RFX3: variants seen among roughly 807,000 people sequenced by gnomAD.
RFX3 encodes transcription factor RFX3.
RFX3 carries 14 observed loss-of-function variants against 98.6 expected under a neutral mutation model. The observed-to-expected ratio is 0.14, with a 90% confidence interval of 0.09 to 0.22. The LOEUF (loss-of-function observed/expected upper bound fraction) is 0.22. Ranked by LOEUF, RFX3 falls within the 10% of genes least tolerant of loss-of-function variation. RFX3 has a pLI of 1.00. For synonymous variants in RFX3, 383 were observed against 328.4 expected (o/e 1.17, Z -1.80); for missense variants, 639 against 926.9 (o/e 0.69, Z 4.03).
chr9:3,341,129 T>C (rs1011855670), intron 3 of RFX3, among the ~76,000 whole-genome samples: 7 of 152,062 alleles, frequency 4.6e-5, no homozygotes, highest in African/African-American at 7.2e-5. Flanking sequence ...CTGGAAATCA[T>C]CATTCTCAGC....
At chr9:3,482,970 CA>C (rs1849923550) in intron 1 of RFX3, among the ~76,000 whole-genome samples, 1 of 152,160 alleles carries the variant, frequency 6.6e-6, no homozygotes, top group African/African-American at 2.4e-5. Flanking sequence ...AGACTATCCA[CA>C]ACCAATCTTG....
intron 12 of RFX3, 142 bp from the exon 13 acceptor site, chr9:3,263,226 C>A: frequency 1.2e-6 from 1 of 827,314 alleles, no homozygotes; most frequent in Non-Finnish European, 1.9e-6. Flanking sequence ...AGAGAGTTTA[C>A]TTGTAAATTA....
chr9:3,325,425 A>G (rs1366262511), intron 4 of RFX3, among the ~76,000 whole-genome samples: 1 of 152,072 alleles, frequency 6.6e-6, no homozygotes, highest in Non-Finnish European at 1.5e-5. Context: ...ACATTAATCA[A>G]AAGAGGTGGG....
intron 1 of RFX3, among the ~76,000 whole-genome samples, chr9:3,434,590 C>T (rs1844951838): frequency 6.6e-6 from 1 of 152,082 alleles, no homozygotes; most frequent in African/African-American, 2.4e-5. Context: ...GTACATTCCA[C>T]TTTCCTTAAT....
At chr9:3,480,930 T>C (rs1422967618) in intron 1 of RFX3, among the ~76,000 whole-genome samples, 2 of 152,120 alleles carry the variant, frequency 1.3e-5, no homozygotes, top group African/African-American at 4.8e-5. Flanking sequence ...GGCTCCATTC[T>C]CCTCCCTATT....
chr9:3,454,454 G>C (rs1271837781), intron 1 of RFX3, among the ~76,000 whole-genome samples: 1 of 152,078 alleles, frequency 6.6e-6, no homozygotes, highest in East Asian at 1.9e-4. Context: ...TTATGTCTGA[G>C]ATCATATATA....
chr9:3,306,651 A>C (rs913084537), intron 4 of RFX3, among the ~76,000 whole-genome samples: 1 of 151,412 alleles, frequency 6.6e-6, no homozygotes, highest in African/African-American at 2.4e-5. Flanking sequence ...CCTAATGCTA[A>C]ATGACGAATT....
intron 2 of RFX3, among the ~76,000 whole-genome samples, chr9:3,365,312 A>AAAAAT (rs1203448164): frequency 6.6e-6 from 1 of 151,764 alleles, no homozygotes; most frequent in Non-Finnish European, 1.5e-5. Context: ...AAAAAAAAAA[A>AAAAAT]AAGTAACAAT....
intron 1 of RFX3, among the ~76,000 whole-genome samples, chr9:3,514,808 A>T (rs1386160404): frequency 2.6e-5 from 4 of 152,188 alleles, no homozygotes; most frequent in Non-Finnish European, 5.9e-5. Context: ...ATCTAAATTT[A>T]TGGGTTTCCG....
chr9:3,489,745 G>T (rs542920945), intron 1 of RFX3, among the ~76,000 whole-genome samples: 244 of 152,228 alleles, frequency 1.6e-3, no homozygotes, highest in African/African-American at 5.6e-3. Flanking sequence ...TCACATATGG[G>T]TATCAAAGGA....
chr9:3,247,749 C>A, intron 15 of RFX3: 1 of 1,556,330 alleles, frequency 6.4e-7, no homozygotes, highest in Admixed American at 2.0e-5. Context: ...TTTTCATATT[C>A]CAGTGGTTCT....
intron 1 of RFX3, among the ~76,000 whole-genome samples, chr9:3,429,434 A>G (rs1010817495): frequency 2.7e-5 from 4 of 150,170 alleles, no homozygotes; most frequent in African/African-American, 9.7e-5. Context: ...TATATAATAT[A>G]ATATAATTGT....
At chr9:3,456,072 G>C (rs546993620) in intron 1 of RFX3, among the ~76,000 whole-genome samples, 1 of 152,362 alleles carries the variant, frequency 6.6e-6, no homozygotes, top group South Asian at 2.1e-4. Flanking sequence ...GAAGGCAGAA[G>C]AGCACGCTCC....
At chr9:3,512,302 T>C (rs1162932457) in intron 1 of RFX3, among the ~76,000 whole-genome samples, 5 of 151,980 alleles carry the variant, frequency 3.3e-5, no homozygotes, top group African/African-American at 7.2e-5. Context: ...TTTAGAGCAA[T>C]AGAAGGTACT....
At chr9:3,408,042 T>G (rs1164397876) in intron 1 of RFX3, among the ~76,000 whole-genome samples, 1 of 152,190 alleles carries the variant, frequency 6.6e-6, no homozygotes, top group Non-Finnish European at 1.5e-5. Context: ...GGAGTAGGAA[T>G]GACTGCCTGC....
chr9:3,375,469 C>A (rs752033789), intron 2 of RFX3, among the ~76,000 whole-genome samples: 5 of 152,186 alleles, frequency 3.3e-5, no homozygotes, highest in Non-Finnish European at 7.3e-5. Context: ...TTTCTCAATA[C>A]AAGCTGATAA....
chr9:3,423,810 TA>T (rs1180673086), intron 1 of RFX3, among the ~76,000 whole-genome samples: 2 of 141,418 alleles, frequency 1.4e-5, no homozygotes, highest in African/African-American at 5.3e-5. Flanking sequence ...TATATATATA[TA>T]TCTTAAGGTA....
At position 3,333,282 on chromosome 9, in the gene RFX3, T is replaced by C. The variant is rs1020040719; in HGVS notation, c.216-2765A>G. Among the ~76,000 whole-genome samples, 5 of 152,324 alleles carry C rather than the reference T, an allele frequency of 3.3e-5. No individual in the cohort carries two copies. In the South Asian group the frequency reaches 8.3e-4, roughly 25 times the overall value. ...AATACTTTTAATCCATTATAAATTATACTTGTAATTTACAATATATATTTT... is the reference window on the plus strand; with the variant it reads ...AATACTTTTAATCCATTATAAATTACACTTGTAATTTACAATATATATTTT... On this transcript the variant is annotated intron_variant, in intron 3 of 16. Coordinates refer to ENST00000617270, the MANE Select transcript of RFX3 (RefSeq NM_001282116.2).
At chr9:3,366,710 CTTTCT>C (rs1235950873) in intron 2 of RFX3, among the ~76,000 whole-genome samples, 3 of 91,940 alleles carry the variant, frequency 3.3e-5, no homozygotes, top group Non-Finnish European at 6.6e-5. Flanking sequence ...TTCTTTCTTT[CTTTCT>C]TTCTTTCTTT....
Sources: allele counts gnomAD v4.1 joint callset (sites outside exome capture counted in the v4.1 genomes callset), GRCh38; gene constraint gnomAD v4.1.1; transcripts MANE v1.5; gene names NCBI Gene and HGNC (gene_info 2026-07-23, HGNC 2026-07-21).